The following SLC25A13 variants were observed in gnomAD, a reference collection of about 807,000 sequenced individuals.
SLC25A13 encodes the protein electrogenic aspartate/glutamate antiporter SLC25A13, mitochondrial.
SLC25A13 carries 70 observed loss-of-function variants against 85.5 expected under a neutral mutation model. That is an observed-to-expected ratio of 0.82 (90% CI 0.68 to 1.00). SLC25A13 has a LOEUF of 1.00. Among genes scored for constraint, SLC25A13 ranks in the 50% least tolerant of loss-of-function variants. The pLI is 0.00. For missense variants in SLC25A13, 765 were observed against 819.8 expected (o/e 0.93, Z 0.82); for synonymous variants, 259 against 288.7 (o/e 0.90, Z 1.04).
chr7:96,317,620 T>C (rs1205744911), intron 1 of SLC25A13, among the ~76,000 whole-genome samples: 2 of 152,000 alleles, frequency 1.3e-5, no homozygotes, highest in African/African-American at 4.8e-5. Context: ...TTCAGAAGAC[T>C]TCCCTCATCT....
At chr7:96,268,609 T>G (rs1798121609) in intron 3 of SLC25A13, among the ~76,000 whole-genome samples, 1 of 152,194 alleles carries the variant, frequency 6.6e-6, no homozygotes, top group South Asian at 2.1e-4. Context: ...AACAGTGGAA[T>G]GCAGGGAGGT....
chr7:96,225,961 A>G (rs924783797), intron 4 of SLC25A13, among the ~76,000 whole-genome samples: 1 of 152,022 alleles, frequency 6.6e-6, no homozygotes, highest in Non-Finnish European at 1.5e-5. Context: ...CTCCATCCCC[A>G]TATCTACACG....
chr7:96,247,219 G>A (rs1797225293), intron 3 of SLC25A13, among the ~76,000 whole-genome samples: 1 of 152,086 alleles, frequency 6.6e-6, no homozygotes, highest in Non-Finnish European at 1.5e-5. Context: ...ATATCATTAG[G>A]TGTCATTAAA....
intron 2 of SLC25A13, among the ~76,000 whole-genome samples, chr7:96,286,884 T>C (rs1798910918): frequency 6.6e-6 from 1 of 152,220 alleles, no homozygotes; most frequent in African/African-American, 2.4e-5. Context: ...AGCTGCCAAC[T>C]TTCCTGCTAC....
chr7:96,235,990 G>A (rs990597959), intron 3 of SLC25A13, among the ~76,000 whole-genome samples: 6 of 152,064 alleles, frequency 3.9e-5, no homozygotes, highest in South Asian at 2.1e-4. Flanking sequence ...CCAAGTTTCC[G>A]GAGGATATGG....
chr7:96,275,779 T>C (rs1037933562), intron 3 of SLC25A13, among the ~76,000 whole-genome samples: 1 of 152,138 alleles, frequency 6.6e-6, no homozygotes, highest in Non-Finnish European at 1.5e-5. Flanking sequence ...GAGATATACC[T>C]AATGTTAAAC....
At chr7:96,258,093 C>T (rs1343932702) in intron 3 of SLC25A13, among the ~76,000 whole-genome samples, 1 of 152,144 alleles carries the variant, frequency 6.6e-6, no homozygotes, top group African/African-American at 2.4e-5. Flanking sequence ...CTATTTACGA[C>T]AAACGGACAG....
chr7:96,241,133 C>A (rs1796981776), intron 3 of SLC25A13, among the ~76,000 whole-genome samples: 1 of 151,680 alleles, frequency 6.6e-6, no homozygotes, highest in Non-Finnish European at 1.5e-5. Flanking sequence ...GCTGGGAGTG[C>A]AGCATCTCCG....
At chr7:96,167,221 C>T (rs928299632) in intron 13 of SLC25A13, among the ~76,000 whole-genome samples, 23 of 152,098 alleles carry the variant, frequency 1.5e-4, no homozygotes, top group African/African-American at 3.9e-4. Context: ...TAAAGTTAGA[C>T]GTGAAAGTTA....
intron 3 of SLC25A13, among the ~76,000 whole-genome samples, chr7:96,268,009 T>C (rs1401181956): frequency 1.3e-5 from 2 of 152,056 alleles, no homozygotes; most frequent in South Asian, 2.1e-4. Context: ...GAAAGACATA[T>C]GTGTGGTAAA....
chr7:96,194,271 CAAAAAA>C (rs150127746), intron 5 of SLC25A13, among the ~76,000 whole-genome samples: 1 of 123,982 alleles, frequency 8.1e-6, no homozygotes, highest in Non-Finnish European at 1.7e-5. Context: ...CCCATCTCTA[CAAAAAA>C]AAAAAAAAAA....
Position 96,185,027 on chromosome 7 carries a change from A to G in SLC25A13, c.934-16T>C, listed in dbSNP as rs368612322. The G allele has an allele frequency of 6.2e-6, 10 of 1,602,394 alleles. No homozygotes were observed. The highest frequency in any genetic ancestry group is 7.7e-6 in the Non-Finnish European group (9 of 1,173,976). On this transcript the variant is annotated splice_polypyrimidine_tract_variant and intron_variant, in intron 9 of 17. Coordinates refer to ENST00000265631, the MANE Select transcript of SLC25A13 (RefSeq NM_014251.3). Reference sequence around the variant, plus strand: ...CTGAGGCCTTCTGCTTTGCATGCACAGGAATCAGAGAGCAGGAAAACAGGT... The same window carrying G: ...CTGAGGCCTTCTGCTTTGCATGCACGGGAATCAGAGAGCAGGAAAACAGGT...
chr7:96,286,678 T>G (rs1798900532), intron 2 of SLC25A13, among the ~76,000 whole-genome samples: 2 of 152,196 alleles, frequency 1.3e-5, no homozygotes, highest in South Asian at 4.1e-4. Flanking sequence ...ACTCTGATAT[T>G]AATGGACAGG....
At chr7:96,260,350 T>C (rs1797806757) in intron 3 of SLC25A13, among the ~76,000 whole-genome samples, 1 of 151,806 alleles carries the variant, frequency 6.6e-6, no homozygotes, top group South Asian at 2.1e-4. Context: ...AGAGATAATA[T>C]AAAAGGGTTC....
At chr7:96,259,951 G>C (rs2116891396) in intron 3 of SLC25A13, among the ~76,000 whole-genome samples, 1 of 151,676 alleles carries the variant, frequency 6.6e-6, no homozygotes, top group Admixed American at 6.6e-5. Flanking sequence ...AACTAACATA[G>C]GAACAGCAAA....
intron 3 of SLC25A13, among the ~76,000 whole-genome samples, chr7:96,239,928 G>A (rs1796905167): frequency 6.6e-6 from 1 of 152,046 alleles, no homozygotes; most frequent in Non-Finnish European, 1.5e-5. Context: ...TAAAATACTG[G>A]GCCAAAGAAG....
In SLC25A13 at chr7:96,121,901, A is replaced by G; in HGVS notation, c.1688T>C (p.Ile563Thr). 9 of 1,614,134 alleles carry G rather than the reference A, an allele frequency of 5.6e-6. No homozygotes were observed. The highest frequency in any genetic ancestry group is 7.6e-6 in the Non-Finnish European group (9 of 1,180,030). ...ACGCAGTATCTTTCTAAAGCAGTCT[A>G]TCACTCCGCTGTAAGTGGTTTGGCC... ...RAGQTTYSGVIDCFRKILREE... is the reference protein window; with the variant it reads ...RAGQTTYSGVTDCFRKILREE... The change falls in exon 16 of 18, where the codon ATA becomes ACA. Residue 563 changes from isoleucine (I) to threonine (T), a missense_variant. By Grantham distance (89) the Ile-to-Thr change is moderately conservative. Coordinates refer to ENST00000265631, the MANE Select transcript of SLC25A13 (RefSeq NM_014251.3).
chr7:96,161,230 G>A (rs193220679), intron 13 of SLC25A13, among the ~76,000 whole-genome samples: 3 of 152,198 alleles, frequency 2.0e-5, no homozygotes, highest in East Asian at 1.9e-4. Flanking sequence ...AAAATAAATA[G>A]GAGCCTTATA....
intron 5 of SLC25A13, among the ~76,000 whole-genome samples, chr7:96,202,479 T>C (rs1795296314): frequency 6.6e-6 from 1 of 152,172 alleles, no homozygotes; most frequent in Non-Finnish European, 1.5e-5. Flanking sequence ...AGGTCAGCTA[T>C]CCTGTCTCTT....
Sources: gnomAD v4.1 joint callset for allele counts (sites outside exome capture counted in the v4.1 genomes callset) on GRCh38, gnomAD v4.1.1 for gene constraint, MANE v1.5 for transcripts, NCBI Gene and HGNC (gene_info 2026-07-23, HGNC 2026-07-21) for gene names.